ITPR2: variants seen among roughly 807,000 people sequenced by gnomAD.
ITPR2 encodes the protein inositol 1,4,5-trisphosphate receptor type 2, also known as inositol 1,4,5-trisphosphate-gated calcium channel ITPR2.
A neutral mutation model predicts 317.1 loss-of-function variants in ITPR2; 207 were observed. The ratio of observed to expected loss-of-function variants is 0.65; its 90% CI spans 0.58 to 0.73. The LOEUF (loss-of-function observed/expected upper bound fraction) is 0.73, where lower values mean the gene tolerates loss of function less well. Among genes scored for constraint, ITPR2 ranks in the 30% least tolerant of loss-of-function variants. The probability of loss-of-function intolerance (pLI) is 0.00; values close to 1 mark genes in which losing one functional copy is unlikely to be tolerated. For synonymous variants in ITPR2, 1,156 were observed against 1,149.1 expected, an observed-to-expected ratio of 1.01 and a Z score of -0.12; for missense variants, 2,613 against 3,284.0, an observed-to-expected ratio of 0.80 and a Z score of 4.99.
intron 55 of ITPR2, among the ~76,000 whole-genome samples, chr12:26,351,732 T>C (rs541272360): frequency 1.4e-4 from 21 of 152,346 alleles, no homozygotes; most frequent in African/African-American, 5.0e-4. Context: ...GTCATGTCTC[T>C]TCCTGCTTTT....
At chr12:26,678,119 G>C (rs994592468) in intron 13 of ITPR2, among the ~76,000 whole-genome samples, 1 of 152,120 alleles carries the variant, frequency 6.6e-6, no homozygotes, top group Non-Finnish European at 1.5e-5. Flanking sequence ...CACTGTTTGA[G>C]AGTAACCCCA....
intron 1 of ITPR2, among the ~76,000 whole-genome samples, chr12:26,807,381 T>C (rs1469044329): frequency 1.3e-5 from 2 of 152,202 alleles, no homozygotes; most frequent in Admixed American, 1.3e-4. Flanking sequence ...AAGTATTTCC[T>C]TTCCCACCCA....
chr12:26,656,503 A>G lies in ITPR2; in HGVS notation c.2238T>C (p.Tyr746=). 1 of 1,614,182 alleles carries G rather than the reference A, an allele frequency of 6.2e-7. No homozygotes were observed. The highest frequency in any genetic ancestry group is 2.2e-5 in the East Asian group (1 of 44,882). The change falls in exon 19 of 57, where the codon TAT becomes TAC. Residue 746 remains tyrosine, a synonymous_variant. Coordinates refer to ENST00000381340, the MANE Select transcript of ITPR2 (RefSeq NM_002223.4). ...GTGTAGAAATCTGGTTTATGGCCAG[A>G]TACTGGCGATCCAAGCACATCCTTG... ...LFARMCLDRQ[Y]LAINQISTQL...
At chr12:26,725,477 TA>T (rs1211689526) in intron 3 of ITPR2, among the ~76,000 whole-genome samples, 172 bp downstream of exon 3, 2 of 152,160 alleles carry the variant, frequency 1.3e-5, no homozygotes, top group Admixed American at 1.3e-4. Context: ...TGCCAGGAAA[TA>T]GATGGTCACA....
At chr12:26,569,464 G>A (rs904593340) in intron 34 of ITPR2, among the ~76,000 whole-genome samples, 3 of 151,444 alleles carry the variant, frequency 2.0e-5, no homozygotes, top group Non-Finnish European at 4.4e-5. Context: ...TGAGATGGGA[G>A]GATTACTTGA....
At chr12:26,822,736 A>G (rs1950955357) in intron 1 of ITPR2, among the ~76,000 whole-genome samples, 1 of 152,248 alleles carries the variant, frequency 6.6e-6, no homozygotes, top group Admixed American at 6.5e-5. Flanking sequence ...ACTGGGCTTT[A>G]TAGTACTAGC....
At chr12:26,608,048 G>A (rs1219647461) in intron 26 of ITPR2, among the ~76,000 whole-genome samples, 1 of 152,178 alleles carries the variant, frequency 6.6e-6, no homozygotes, top group Non-Finnish European at 1.5e-5. Flanking sequence ...GTGAATCCGG[G>A]AGGTGGAGCT....
At chr12:26,490,083 A>G (rs1942762836) in intron 39 of ITPR2, among the ~76,000 whole-genome samples, 1 of 152,252 alleles carries the variant, frequency 6.6e-6, no homozygotes, top group Admixed American at 6.5e-5. Context: ...GTTTTCATAT[A>G]TAAGAGTAAT....
intron 37 of ITPR2, among the ~76,000 whole-genome samples, chr12:26,501,733 T>A (rs899355049): frequency 6.6e-6 from 1 of 152,226 alleles, no homozygotes; most frequent in African/African-American, 2.4e-5. Flanking sequence ...TCCAAATTTC[T>A]TCTTTCCTTG....
chr12:26,392,786 T>C (rs975374642), intron 54 of ITPR2, among the ~76,000 whole-genome samples: 1 of 152,232 alleles, frequency 6.6e-6, no homozygotes, highest in Non-Finnish European at 1.5e-5. Context: ...GAGTTTATGA[T>C]AATATCGCCA....
At chr12:26,746,296 A>C (rs1220527595) in intron 2 of ITPR2, among the ~76,000 whole-genome samples, 1 of 152,174 alleles carries the variant, frequency 6.6e-6, no homozygotes, top group Admixed American at 6.5e-5. Context: ...ATGCAAATGG[A>C]GGGAACCTGG....
In ITPR2 at chr12:26,628,123, T is replaced by C. The variant is rs1489654716; in HGVS notation, c.2974A>G (p.Met992Val). 1 of 1,608,918 alleles carries C rather than the reference T, an allele frequency of 6.2e-7. No homozygotes were observed. Among genetic ancestry groups the C allele is most frequent in the South Asian group, 1.1e-5 (1 of 90,704 alleles). ...AACTCCTTCTTATATATTGACAGCA[T>C]ATATGAGATCCTATAATCCAGTCTG... is the stretch of plus-strand genomic sequence containing the variant. ...SVRLDYRISYMLSIYKKEFGE... is the reference protein window; with the variant it reads ...SVRLDYRISYVLSIYKKEFGE... Residue 992 changes from methionine to valine, a missense_variant, in exon 23 of 57, where the codon ATG becomes GTG. By Grantham distance (21) the Met-to-Val change is conservative. Coordinates refer to ENST00000381340, the MANE Select transcript of ITPR2 (RefSeq NM_002223.4).
intron 15 of ITPR2, among the ~76,000 whole-genome samples, chr12:26,660,726 T>C (rs1434231562): frequency 6.6e-6 from 1 of 152,172 alleles, no homozygotes; most frequent in African/African-American, 2.4e-5. Context: ...ATTTATACAC[T>C]TTCATGACTA....
intron 34 of ITPR2, among the ~76,000 whole-genome samples, chr12:26,577,697 T>A (rs1451270285): frequency 6.6e-6 from 1 of 152,200 alleles, no homozygotes; most frequent in Non-Finnish European, 1.5e-5. Context: ...TTCATTGTAT[T>A]CAAATCAAAA....
At chr12:26,470,033 C>T (rs774248107) in intron 45 of ITPR2, among the ~76,000 whole-genome samples, 20 of 152,306 alleles carry the variant, frequency 1.3e-4, no homozygotes, top group South Asian at 2.1e-4. Flanking sequence ...GGAAGAGGAA[C>T]GTCAGACTGT....
chr12:26,677,546 GCCATGA>G (rs1947939375), intron 13 of ITPR2, among the ~76,000 whole-genome samples: 1 of 152,122 alleles, frequency 6.6e-6, no homozygotes, highest in Admixed American at 6.5e-5. Context: ...GCTGCAGTGA[GCCATGA>G]TCATACCACT....
At chr12:26,510,182 T>A (rs940882221) in intron 37 of ITPR2, among the ~76,000 whole-genome samples, 9 of 152,148 alleles carry the variant, frequency 5.9e-5, no homozygotes, top group African/African-American at 2.2e-4. Flanking sequence ...CCATATTGAA[T>A]TATGCCAGCT....
chr12:26,598,763 T>C (rs1235394557), intron 30 of ITPR2, among the ~76,000 whole-genome samples: 1 of 152,224 alleles, frequency 6.6e-6, no homozygotes, highest in African/African-American at 2.4e-5. Context: ...ACCCATTCTA[T>C]GTTTCAGAAA....
At chr12:26,340,415 C>T in intron 55 of ITPR2, 87 bp from the exon 56 acceptor site, 1 of 1,337,588 alleles carries the variant, frequency 7.5e-7, no homozygotes, top group East Asian at 2.8e-5. Context: ...AACATTTAAA[C>T]CAAAGTCTCT....
Sources: allele counts gnomAD v4.1 joint callset (sites outside exome capture counted in the v4.1 genomes callset), GRCh38; gene constraint gnomAD v4.1.1; transcripts MANE v1.5; gene names NCBI Gene and HGNC (gene_info 2026-07-23, HGNC 2026-07-21).